Variants in ABI3BP observed in about 807,000 individuals in gnomAD.
ABI3BP encodes ABI family member 3 binding protein.
In ABI3BP, 216 loss-of-function variants were observed where a neutral mutation model predicts 268.6. The observed-to-expected ratio is 0.80, with a 90% CI of 0.72 to 0.90. The LOEUF is 0.90. Ranked by LOEUF, ABI3BP falls within the 40% of genes least tolerant of loss-of-function variation. ABI3BP has a pLI of 0.00. For synonymous variants in ABI3BP, 730 were observed against 730.0 expected (o/e 1.00, Z 0.00); for missense variants, 2,090 against 2,182.4 (o/e 0.96, Z 0.84).
chr3:100,749,540 T>C lies in ABI3BP; in HGVS notation c.*955A>G, dbSNP rs1486485315. The C allele has an allele frequency of 1.3e-5, 5 of 385,652 alleles. No homozygotes were observed. The highest frequency in any genetic ancestry group is 2.1e-5 in the African/African-American group (1 of 47,216). 23.9% of individuals were successfully genotyped at this position (385,652 alleles called of 1,614,324 possible). A position where few individuals can be genotyped will look rare whatever the true frequency, so the allele number is the denominator to read the frequency against. On this transcript the variant is annotated 3_prime_UTR_variant, in exon 68 of 68. Transcript: ENST00000471714. Reference sequence around the variant, plus strand: ...GAAATAAATGAGTTAGTTAGTTAGATTTTTATTACAGATTGAATTAAACAG... The same window carrying C: ...GAAATAAATGAGTTAGTTAGTTAGACTTTTATTACAGATTGAATTAAACAG...
chr3:100,979,581 A>G (rs2088159405), intron 1 of ABI3BP, among the ~76,000 whole-genome samples: 1 of 152,164 alleles, frequency 6.6e-6, no homozygotes, highest in African/African-American at 2.4e-5. Context: ...TTTGTGGCCT[A>G]TCAACCTCCA....
chr3:100,761,017 T>G (rs1392163527), intron 63 of ABI3BP, among the ~76,000 whole-genome samples: 1 of 152,176 alleles, frequency 6.6e-6, no homozygotes, highest in Non-Finnish European at 1.5e-5. Flanking sequence ...TTGATTTTTC[T>G]GCTCCTCTCC....
chr3:100,878,246 T>C (rs991324322), intron 6 of ABI3BP, among the ~76,000 whole-genome samples: 1 of 152,196 alleles, frequency 6.6e-6, no homozygotes, highest in East Asian at 1.9e-4. Flanking sequence ...GGATACAAAT[T>C]TGCATCCACA....
rs763325968 is a variant in ABI3BP at position 100,753,794 on chromosome 3, G to T, written c.4960+25C>A. ...AATAAATTTAGAAAAGCATGTAGTT[G>T]TGCCTCATTGAGACAGGTACTTACC... On this transcript the variant is annotated intron_variant, in intron 65 of 67. Coordinates refer to ENST00000471714, the MANE Select transcript of ABI3BP (RefSeq NM_001375547.2). The T allele has an allele frequency of 5.0e-6, 8 of 1,609,282 alleles. No individual in the cohort carries two copies. In the Admixed American group the frequency reaches 1.3e-4, roughly 27 times the overall value.
intron 63 of ABI3BP, among the ~76,000 whole-genome samples, chr3:100,763,989 TC>T (rs2096125340): frequency 6.6e-6 from 1 of 152,226 alleles, no homozygotes; most frequent in Admixed American, 6.5e-5. Context: ...CATCTCCTGA[TC>T]TGGCTTATAA....
chr3:100,932,937 A>G (rs1222985408), intron 1 of ABI3BP, among the ~76,000 whole-genome samples: 2 of 151,862 alleles, frequency 1.3e-5, no homozygotes, highest in Non-Finnish European at 2.9e-5. Flanking sequence ...ACTATCATGG[A>G]CATCCAGTCA....
At chr3:100,950,107 T>C (rs1200859930) in intron 1 of ABI3BP, among the ~76,000 whole-genome samples, 2 of 152,180 alleles carry the variant, frequency 1.3e-5, no homozygotes, top group Non-Finnish European at 2.9e-5. Context: ...TTCATTTCAG[T>C]GTACTTTGAA....
intron 39 of ABI3BP, 80 bp from the exon 40 acceptor site, chr3:100,820,383 C>T: frequency 1.9e-6 from 2 of 1,053,238 alleles, no homozygotes; most frequent in South Asian, 3.8e-5. Context: ...TTTGAGATCT[C>T]TTAAAACTTA....
At chr3:100,891,494 A>T (rs1336212761) in intron 4 of ABI3BP, among the ~76,000 whole-genome samples, 1 of 152,206 alleles carries the variant, frequency 6.6e-6, no homozygotes, top group East Asian at 1.9e-4. Context: ...CTATGATATT[A>T]CTTACCCCCT....
intron 32 of ABI3BP, 85 bp downstream of exon 32, chr3:100,830,493 C>A: frequency 8.8e-7 from 1 of 1,135,640 alleles, no homozygotes; most frequent in Non-Finnish European, 1.3e-6. Context: ...CCTTGTGAAG[C>A]GGGAGAAGCT....
intron 41 of ABI3BP, among the ~76,000 whole-genome samples, chr3:100,818,276 C>T (rs180787531): frequency 2.0e-4 from 31 of 152,278 alleles, no homozygotes; most frequent in African/African-American, 5.5e-4. Flanking sequence ...GCTCTTTAAA[C>T]GAATGCACAT....
At chr3:100,885,640 T>C in intron 5 of ABI3BP, 52 bp from the exon 6 acceptor site, 1 of 1,136,004 alleles carries the variant, frequency 8.8e-7, no homozygotes, top group Non-Finnish European at 1.3e-6. Flanking sequence ...TGCTCCTAAA[T>C]CAACTCTAGC....
intron 4 of ABI3BP, among the ~76,000 whole-genome samples, chr3:100,889,461 G>T (rs1212159838): frequency 1.3e-5 from 2 of 152,092 alleles, no homozygotes; most frequent in Non-Finnish European, 2.9e-5. Context: ...ATTATTGAAG[G>T]CTTTTTAGTT....
chr3:100,926,280 G>A lies in ABI3BP; in HGVS notation c.259+22C>T, dbSNP rs749138200. 15 of 1,610,876 alleles carry A rather than the reference G, an allele frequency of 9.3e-6. 1 individual carries two copies. Among genetic ancestry groups the A allele is most frequent in the Middle Eastern group, 1.7e-4 (1 of 6,050 alleles). ...CACCTCTTACCTCCTTTCCTTCCCA[G>A]CCCGATACCCAAACACCTTACCAAC... On this transcript the variant is annotated intron_variant, in intron 2 of 67. Transcript: ENST00000471714.
intron 31 of ABI3BP, among the ~76,000 whole-genome samples, chr3:100,831,240 G>A (rs1245525245): frequency 3.9e-5 from 6 of 152,004 alleles, no homozygotes; most frequent in Admixed American, 3.9e-4. Flanking sequence ...ATGTGCTGGG[G>A]GTGTGTCTGC....
chr3:100,784,946 C>T (rs1321052133), intron 57 of ABI3BP, among the ~76,000 whole-genome samples: 1 of 152,112 alleles, frequency 6.6e-6, no homozygotes, highest in Non-Finnish European at 1.5e-5. Flanking sequence ...GTACACTACT[C>T]AGGTAATGAG....
intron 1 of ABI3BP, among the ~76,000 whole-genome samples, chr3:100,937,613 A>G (rs1260473051): frequency 6.6e-6 from 1 of 152,100 alleles, no homozygotes; most frequent in Non-Finnish European, 1.5e-5. Context: ...ATGGAAGGTC[A>G]TTCAAGCATC....
chr3:100,788,051 A>C (rs1001298611), intron 56 of ABI3BP, among the ~76,000 whole-genome samples: 1 of 152,164 alleles, frequency 6.6e-6, no homozygotes, highest in Non-Finnish European at 1.5e-5. Context: ...AGTAACTGGC[A>C]AGGGAATTTA....
rs1576651906 is a variant in ABI3BP, at chr3:100,757,360, A to T, written c.4851-2669T>A. On this transcript the variant is annotated intron_variant, in intron 63 of 67. Coordinates refer to ENST00000471714, the MANE Select transcript of ABI3BP (RefSeq NM_001375547.2). ...AACATGAGTTACAAAATTTCAGAGT[A>T]CTGGGGTGATAAAGACAAGTCCTCA... is the stretch of plus-strand genomic sequence containing the variant. 2.0e-5 allele frequency among the ~76,000 whole-genome samples: 3 copies of T among 152,322 alleles called. No individual in the cohort carries two copies. In the East Asian group the frequency reaches 5.8e-4, roughly 29 times the overall value.
Sources: allele counts gnomAD v4.1 joint callset (sites outside exome capture counted in the v4.1 genomes callset), GRCh38; gene constraint gnomAD v4.1.1; transcripts MANE v1.5; gene names NCBI Gene and HGNC (gene_info 2026-07-23, HGNC 2026-07-21).